The following RBMS2 variants were observed in gnomAD, a reference collection of about 807,000 sequenced individuals.
RBMS2 encodes the protein RNA binding motif single stranded interacting protein 2.
In RBMS2, 38 loss-of-function variants were observed where a neutral mutation model predicts 58.4. That is an observed-to-expected ratio of 0.65 (90% confidence interval 0.50 to 0.85). RBMS2 has a LOEUF of 0.85. RBMS2 is among the 40% of genes least tolerant of loss of function. RBMS2 has a pLI of 0.00. For synonymous variants in RBMS2, 151 were observed against 180.7 expected (o/e 0.84, Z 1.32); for missense variants, 367 against 503.7 (o/e 0.73, Z 2.60).
Position 56,571,781 on chromosome 12 carries a change from G to T in RBMS2, c.468G>T (p.Lys156Asn). ...MDEQELEGML[K>N]PFGQVISTRI... is the part of the protein sequence containing the mutation. Reference sequence around the variant, plus strand: ...AGCAGGAACTGGAGGGGATGCTGAAGCCCTTTGGCCAGGTTATCTCCACCC... The same window carrying T: ...AGCAGGAACTGGAGGGGATGCTGAATCCCTTTGGCCAGGTTATCTCCACCC... The change falls in exon 5 of 14, where the codon AAG becomes AAT. Residue 156 changes from lysine to asparagine, a missense_variant. Coordinates refer to ENST00000262031, the MANE Select transcript of RBMS2 (RefSeq NM_002898.4). The T allele has an allele frequency of 1.2e-6, 2 of 1,603,376 alleles. No homozygotes were observed. The highest frequency in any genetic ancestry group is 1.7e-6 in the Non-Finnish European group (2 of 1,173,722).
chr12:56,565,955 A>G (rs373863631), intron 2 of RBMS2, among the ~76,000 whole-genome samples: 8 of 152,132 alleles, frequency 5.3e-5, no homozygotes, highest in African/African-American at 1.7e-4. Context: ...GACCACAGCA[A>G]GCTCCACCCT....
intron 1 of RBMS2, among the ~76,000 whole-genome samples, chr12:56,527,634 A>C (rs2933235): frequency 6.6e-6 from 1 of 151,846 alleles, no homozygotes; most frequent in Admixed American, 6.6e-5. Context: ...AAAACAAACA[A>C]AAACAAAAAC....
At chr12:56,534,173 A>ATAT (rs1874323637) in intron 1 of RBMS2, among the ~76,000 whole-genome samples, 1 of 142,166 alleles carries the variant, frequency 7.0e-6, no homozygotes, top group Non-Finnish European at 1.6e-5. Flanking sequence ...TTCATGTTGC[A>ATAT]TATAGATGTG....
At chr12:56,555,456 A>AG (rs1555192799) in intron 1 of RBMS2, among the ~76,000 whole-genome samples, 2 of 150,324 alleles carry the variant, frequency 1.3e-5, no homozygotes. Flanking sequence ...AAAAAAAAAA[A>AG]GGAAGAAGAA....
intron 1 of RBMS2, 145 bp downstream of exon 1, chr12:56,522,234 A>G: frequency 1.6e-6 from 1 of 628,818 alleles, no homozygotes. Flanking sequence ...TCCCTTTTCC[A>G]CTACTGCTTT....
intron 5 of RBMS2, among the ~76,000 whole-genome samples, chr12:56,575,424 GAGA>G (rs1882965630): frequency 6.6e-6 from 1 of 151,932 alleles, no homozygotes; most frequent in East Asian, 1.9e-4. Flanking sequence ...GCTACAGAGT[GAGA>G]CCCTGTCTCA....
At chr12:56,533,408 CTTTTT>C (rs1164155079) in intron 1 of RBMS2, among the ~76,000 whole-genome samples, 20 of 65,306 alleles carry the variant, frequency 3.1e-4, no homozygotes, top group East Asian at 5.1e-4. Context: ...AGCCCTATTA[CTTTTT>C]TTTTTTTTTT....
chr12:56,531,766 C>T (rs962172579), intron 1 of RBMS2, among the ~76,000 whole-genome samples: 4 of 147,736 alleles, frequency 2.7e-5, no homozygotes, highest in South Asian at 2.1e-4. Context: ...TGCAGTGAGC[C>T]GAGATCTGCC....
chr12:56,558,627 C>A (rs1389060552), intron 1 of RBMS2, among the ~76,000 whole-genome samples: 1 of 81,506 alleles, frequency 1.2e-5, no homozygotes, highest in African/African-American at 4.3e-5. Context: ...CTTACTTTGT[C>A]ACCCAGGCTG....
At chr12:56,530,600 T>C (rs1873554953) in intron 1 of RBMS2, among the ~76,000 whole-genome samples, 1 of 152,082 alleles carries the variant, frequency 6.6e-6, no homozygotes, top group South Asian at 2.1e-4. Flanking sequence ...GCTCAAGTGA[T>C]TCTCCCACCT....
Position 56,524,284 on chromosome 12 carries a change from C to A in RBMS2, c.66+2195C>A, listed in dbSNP as rs74707747. On this transcript the variant is annotated intron_variant, in intron 1 of 13. Transcript: ENST00000262031. ...CTAATTACTAATGTATTTGTCAATT[C>A]TTTGGGTTCTTATAAGTCAATGTTA... 3.6e-3 allele frequency among the ~76,000 whole-genome samples: 544 copies of A among 152,130 alleles called. 4 individuals are homozygous for A. Among genetic ancestry groups the A allele is most frequent in the African/African-American group, 0.013 (533 of 41,494 alleles).
At chr12:56,536,815 C>T (rs1874971698) in intron 1 of RBMS2, among the ~76,000 whole-genome samples, 1 of 152,060 alleles carries the variant, frequency 6.6e-6, no homozygotes, top group Admixed American at 6.6e-5. Context: ...GATCTGCCCC[C>T]CTTGGCCTCC....
At chr12:56,588,733 G>A in intron 12 of RBMS2, 199 bp from the exon 13 acceptor site, 2 of 619,620 alleles carry the variant, frequency 3.2e-6, no homozygotes, top group Non-Finnish European at 5.8e-6. Flanking sequence ...GGCTTGTATT[G>A]ACTAATGCGT....
At position 56,595,407 on chromosome 12, in the gene RBMS2, C is replaced by T. The variant is rs1274346596; in HGVS notation, c.*6274C>T. On this transcript the variant is annotated 3_prime_UTR_variant, in exon 14 of 14. Coordinates refer to ENST00000262031, the MANE Select transcript of RBMS2 (RefSeq NM_002898.4). ...CAGAAAATGTTTATACTTAAACAGA[C>T]ATATTTTGCATATTTTTATCTGGAG... 1 of 152,098 alleles carries T rather than the reference C, an allele frequency of 6.6e-6. No individual in the cohort carries two copies. Among genetic ancestry groups the T allele is most frequent in the Admixed American group, 6.6e-5 (1 of 15,256 alleles). The allele number at this position is 152,098 out of a possible 1,614,324, so 9.4% of individuals were successfully genotyped here. A position where few individuals can be genotyped will look rare whatever the true frequency, so the allele number is the denominator to read the frequency against.
At chr12:56,573,469 G>T (rs1192036440) in intron 5 of RBMS2, among the ~76,000 whole-genome samples, 2 of 90,284 alleles carry the variant, frequency 2.2e-5, no homozygotes, top group African/African-American at 4.4e-5. Context: ...AAAGCGAGAC[G>T]CCATCTCAAA....
At chr12:56,569,510 G>GGAA (rs1422679563) in intron 3 of RBMS2, among the ~76,000 whole-genome samples, 3 of 152,178 alleles carry the variant, frequency 2.0e-5, no homozygotes, top group African/African-American at 7.2e-5. Flanking sequence ...GCAGGTGGCT[G>GGAA]GTGGTCTGCT....
chr12:56,593,955 G>A lies in RBMS2; in HGVS notation c.*4822G>A, dbSNP rs1346656691. The A allele has an allele frequency of 6.6e-6, 1 of 152,242 alleles. No individual in the cohort carries two copies. The highest frequency in any genetic ancestry group is 1.5e-5 in the Non-Finnish European group (1 of 68,056). The allele number at this position is 152,242 out of a possible 1,614,324, so 9.4% of individuals were successfully genotyped here. A position where few individuals can be genotyped will look rare whatever the true frequency, so the allele number is the denominator to read the frequency against. On this transcript the variant is annotated 3_prime_UTR_variant, in exon 14 of 14. Transcript: ENST00000262031. Reference sequence around the variant, plus strand: ...AGTAACAGATAAGGAGTGGTAAGAGGACATTACTCATATTGAAGATGAAGA... The same window carrying A: ...AGTAACAGATAAGGAGTGGTAAGAGAACATTACTCATATTGAAGATGAAGA...
chr12:56,558,825 C>T (rs1442611972), intron 1 of RBMS2, among the ~76,000 whole-genome samples: 2 of 151,798 alleles, frequency 1.3e-5, no homozygotes, highest in Non-Finnish European at 2.9e-5. Flanking sequence ...GTTTTGAACT[C>T]CTGGGCTTGA....
At position 56,541,455 on chromosome 12, in the gene RBMS2, AAAT is replaced by A. The variant is rs200945400; in HGVS notation, c.66+19371_66+19373del. 6.6e-3 allele frequency among the ~76,000 whole-genome samples: 1,000 copies of A among 152,276 alleles called. 11 individuals carry two copies. The highest frequency in any genetic ancestry group is 0.023 in the African/African-American group (944 of 41,550). On this transcript the variant is annotated intron_variant, in intron 1 of 13. Transcript: ENST00000262031. ...TTTACCCCACTATTTCAATTACCAA[AAAT>A]AATATTTGCATAGCTCTTAAAGATT...
Sources: allele counts gnomAD v4.1 joint callset (sites outside exome capture counted in the v4.1 genomes callset), GRCh38; gene constraint gnomAD v4.1.1; transcripts MANE v1.5; gene names NCBI Gene and HGNC (gene_info 2026-07-23, HGNC 2026-07-21).